ANK2: variants seen among roughly 807,000 people sequenced by gnomAD.
The protein encoded by ANK2 is ankyrin-2.
A neutral mutation model predicts 360.5 loss-of-function variants in ANK2; 83 were observed. The observed-to-expected ratio is 0.23, with a 90% CI of 0.19 to 0.28. The LOEUF is 0.28. Among genes scored for constraint, ANK2 ranks in the 10% least tolerant of loss-of-function variants. ANK2 has a pLI of 1.00. For missense variants in ANK2, 4,201 were observed against 4,795.7 expected (o/e 0.88, Z 3.66); for synonymous variants, 1,740 against 1,759.5 (o/e 0.99, Z 0.28).
At chr4:113,258,438 C>T in intron 13 of ANK2, 27 bp downstream of exon 13, 1 of 1,588,978 alleles carries the variant, frequency 6.3e-7, no homozygotes, top group Non-Finnish European at 8.6e-7. Context: ...TCAGAATAAC[C>T]CCAGGGAGGA....
intron 13 of ANK2, among the ~76,000 whole-genome samples, chr4:113,260,037 A>T (rs150889136): frequency 6.6e-6 from 1 of 152,292 alleles, no homozygotes; most frequent in Non-Finnish European, 1.5e-5. Context: ...ACAATATGTT[A>T]TCACATTATA....
chr4:113,062,291 T>C (rs1267120848), intron 1 of ANK2, among the ~76,000 whole-genome samples: 2 of 152,140 alleles, frequency 1.3e-5, no homozygotes, highest in Admixed American at 6.6e-5. Flanking sequence ...CATCATGATA[T>C]GGCCTAATCT....
intron 1 of ANK2, among the ~76,000 whole-genome samples, chr4:112,903,103 C>T (rs964589534): frequency 2.0e-5 from 3 of 152,164 alleles, no homozygotes; most frequent in Non-Finnish European, 4.4e-5. Context: ...CTCAAACTTC[C>T]AGCTGCACCA....
chr4:112,858,153 G>C (rs1196312827), intron 1 of ANK2, among the ~76,000 whole-genome samples: 1 of 152,054 alleles, frequency 6.6e-6, no homozygotes, highest in Admixed American at 6.6e-5. Flanking sequence ...TTAGTTAAAG[G>C]TGTCACTGAT....
intron 18 of ANK2, among the ~76,000 whole-genome samples, chr4:113,283,992 C>G: frequency 6.6e-6 from 1 of 152,174 alleles, no homozygotes; most frequent in Non-Finnish European, 1.5e-5. Flanking sequence ...CAGTCCTAGT[C>G]TATTTTCTTG....
chr4:112,851,813 G>A (rs893160845), intron 1 of ANK2, among the ~76,000 whole-genome samples: 2 of 152,144 alleles, frequency 1.3e-5, no homozygotes, highest in South Asian at 2.1e-4. Flanking sequence ...TAGTAGAGAC[G>A]AGGTTTCACC....
intron 9 of ANK2, among the ~76,000 whole-genome samples, chr4:113,246,383 T>G (rs2042893135): frequency 6.6e-6 from 1 of 152,206 alleles, no homozygotes; most frequent in Non-Finnish European, 1.5e-5. Flanking sequence ...TCCATCTTGT[T>G]GGCATTCTCA....
the ANK2 span, among the ~76,000 whole-genome samples, chr4:112,772,756 G>T: frequency 6.6e-6 from 1 of 152,268 alleles, no homozygotes; most frequent in Admixed American, 6.5e-5. Context: ...GATGGGTTTT[G>T]TAAGCAGGTT....
chr4:112,943,499 G>T (rs2094366097), intron 2 of ANK2, among the ~76,000 whole-genome samples: 1 of 151,966 alleles, frequency 6.6e-6, no homozygotes, highest in African/African-American at 2.4e-5. Flanking sequence ...TTTCTCTGTG[G>T]CTGTTGTGTG....
intron 1 of ANK2, among the ~76,000 whole-genome samples, chr4:113,100,679 A>G (rs11733187): frequency 0.31 from 46,809 of 152,010 alleles, 7,771 homozygotes; most frequent in Non-Finnish European, 0.39. Context: ...CTGCGCTTGA[A>G]TGTTTACAGC....
intron 2 of ANK2, among the ~76,000 whole-genome samples, chr4:112,986,656 T>C (rs2044978944): frequency 6.6e-6 from 1 of 152,214 alleles, no homozygotes; most frequent in African/African-American, 2.4e-5. Context: ...GAGACATTTT[T>C]ATAGAAGGCA....
Position 113,309,155 on chromosome 4 carries a change from A to G in ANK2, c.2549-2100A>G, listed in dbSNP as rs1008796431. Among the ~76,000 whole-genome samples, 13 of 152,310 alleles carry G rather than the reference A, an allele frequency of 8.5e-5. 1 individual carries two copies. The East Asian group carries it at 1.9e-3, about 23-fold the overall frequency. Reference sequence around the variant, plus strand: ...TGAATAGCATGATTTATATACATCTAACTGTCTTCGAGAGAAATTTTATAT... The same window carrying G: ...TGAATAGCATGATTTATATACATCTGACTGTCTTCGAGAGAAATTTTATAT... On this transcript the variant is annotated intron_variant, in intron 23 of 45. Coordinates refer to ENST00000357077, the MANE Select transcript of ANK2 (RefSeq NM_001148.6).
At chr4:112,752,525 G>A in the ANK2 span, among the ~76,000 whole-genome samples, 1 of 150,806 alleles carries the variant, frequency 6.6e-6, no homozygotes. Context: ...ACAGACACAT[G>A]CCACCAGGCC....
intron 18 of ANK2, among the ~76,000 whole-genome samples, chr4:113,285,263 C>T (rs1024128572): frequency 6.6e-6 from 1 of 151,976 alleles, no homozygotes; most frequent in Non-Finnish European, 1.5e-5. Flanking sequence ...TCCCCACATA[C>T]CAAGCAGCAC....
chr4:112,809,358 G>C, the ANK2 span, among the ~76,000 whole-genome samples: 3 of 150,094 alleles, frequency 2.0e-5, no homozygotes, highest in Non-Finnish European at 4.4e-5. Context: ...TCAGGAGATC[G>C]AGACCATTCT....
At chr4:113,301,062 C>G (rs915775862) in intron 22 of ANK2, among the ~76,000 whole-genome samples, 7 of 152,168 alleles carry the variant, frequency 4.6e-5, no homozygotes, top group Admixed American at 1.3e-4. Flanking sequence ...AAACAATTAT[C>G]TAACATCTAG....
intron 1 of ANK2, among the ~76,000 whole-genome samples, chr4:112,819,468 G>C (rs2056370021): frequency 6.6e-6 from 1 of 152,164 alleles, no homozygotes; most frequent in Non-Finnish European, 1.5e-5. Flanking sequence ...AGAAACTTTT[G>C]GGTGAGAAAG....
the ANK2 span, among the ~76,000 whole-genome samples, chr4:112,730,015 T>C: frequency 1.3e-4 from 19 of 151,422 alleles, no homozygotes; most frequent in Admixed American, 6.6e-4. Context: ...AGGGCAAGGA[T>C]TGGGAAGATG....
intron 1 of ANK2, among the ~76,000 whole-genome samples, chr4:113,164,335 A>G (rs1402929003): frequency 6.6e-6 from 1 of 152,240 alleles, no homozygotes; most frequent in Non-Finnish European, 1.5e-5. Context: ...TAAGATCAAC[A>G]GTGTGAGAAA....
Sources: gnomAD v4.1 joint callset for allele counts (sites outside exome capture counted in the v4.1 genomes callset) on GRCh38, gnomAD v4.1.1 for gene constraint, MANE v1.5 for transcripts, NCBI Gene and HGNC (gene_info 2026-07-23, HGNC 2026-07-21) for gene names.